DLG2: variants seen among roughly 807,000 people sequenced by gnomAD.
DLG2 encodes discs large MAGUK scaffold protein 2.
A neutral mutation model predicts 132.5 loss-of-function variants in DLG2; 45 were observed. That is an observed-to-expected ratio of 0.34 (90% CI 0.27 to 0.44). The LOEUF is 0.44. DLG2 is among the 20% of genes least tolerant of loss of function. The pLI is 1.00. For missense variants in DLG2, 1,045 were observed against 1,196.9 expected, an observed-to-expected ratio of 0.87 and a Z score of 1.87; for synonymous variants, 424 against 419.6, an observed-to-expected ratio of 1.01 and a Z score of -0.13.
At chr11:85,299,788 C>T (rs1036715679) in intron 3 of DLG2, among the ~76,000 whole-genome samples, 6 of 152,122 alleles carry the variant, frequency 3.9e-5, no homozygotes, top group African/African-American at 1.4e-4. Context: ...CTAATAAATT[C>T]CCATGCGATG....
At chr11:83,784,010 T>G (rs1229481667) in intron 18 of DLG2, among the ~76,000 whole-genome samples, 1 of 152,238 alleles carries the variant, frequency 6.6e-6, no homozygotes, top group Non-Finnish European at 1.5e-5. Context: ...GGCAGATTTT[T>G]GTGAGCATCT....
intron 3 of DLG2, among the ~76,000 whole-genome samples, chr11:85,350,836 G>A (rs2083234724): frequency 6.6e-6 from 1 of 151,986 alleles, no homozygotes; most frequent in South Asian, 2.1e-4. Context: ...TTGAAGTCAG[G>A]TAGCGTGATG....
chr11:84,906,994 G>A (rs1028733886), intron 6 of DLG2, among the ~76,000 whole-genome samples: 2 of 152,148 alleles, frequency 1.3e-5, no homozygotes, highest in African/African-American at 4.8e-5. Context: ...AGGCCAAAAG[G>A]AGTATATTCT....
rs758218312 is a variant in DLG2, at chr11:85,598,741, T to C, written c.-45A>G. On this transcript the variant is annotated 5_prime_UTR_variant, in exon 3 of 28. Coordinates refer to ENST00000376104, the MANE Select transcript of DLG2 (RefSeq NM_001142699.3). ...TTCAACAGCTGCTCCTCTGGTTTCC[T>C]TAATTTTTTGCAGTATTCTTCCAGT... 2 of 1,548,290 alleles carry C rather than the reference T, an allele frequency of 1.3e-6. No individual in the cohort carries two copies. The highest frequency in any genetic ancestry group is 2.0e-5 in the Admixed American group (1 of 49,786).
At chr11:84,410,817 T>C (rs1015749527) in intron 7 of DLG2, among the ~76,000 whole-genome samples, 1 of 152,058 alleles carries the variant, frequency 6.6e-6, no homozygotes, top group Non-Finnish European at 1.5e-5. Context: ...TGATCTCAGG[T>C]GATCCACCTG....
chr11:84,017,609 T>C (rs2095252622), intron 11 of DLG2, among the ~76,000 whole-genome samples: 1 of 152,090 alleles, frequency 6.6e-6, no homozygotes, highest in African/African-American at 2.4e-5. Context: ...ATCAATGAAA[T>C]AGCTACCATG....
chr11:84,386,577 T>C (rs1372842294), intron 7 of DLG2, among the ~76,000 whole-genome samples: 1 of 152,170 alleles, frequency 6.6e-6, no homozygotes, highest in Non-Finnish European at 1.5e-5. Context: ...CAATATTTTC[T>C]ACATTTTGTT....
intron 19 of DLG2, among the ~76,000 whole-genome samples, chr11:83,588,855 G>C (rs1263380160): frequency 1.3e-5 from 2 of 152,150 alleles, no homozygotes; most frequent in Non-Finnish European, 2.9e-5. Context: ...AGAAGCGTCA[G>C]GAGCCGATGC....
intron 18 of DLG2, among the ~76,000 whole-genome samples, chr11:83,738,034 T>C (rs536294952): frequency 1.2e-3 from 182 of 152,290 alleles, no homozygotes; most frequent in African/African-American, 4.1e-3. Context: ...AATTAAGAGA[T>C]GAGAGGATGG....
At chr11:84,845,522 T>C (rs777008137) in intron 6 of DLG2, among the ~76,000 whole-genome samples, 13 of 152,038 alleles carry the variant, frequency 8.6e-5, no homozygotes, top group Non-Finnish European at 1.8e-4. Flanking sequence ...ACTACTAACA[T>C]CCAGTGAACA....
chr11:83,965,425 A>G lies in DLG2; in HGVS notation c.1100T>C (p.Val367Ala). The G allele has an allele frequency of 6.2e-7, 1 of 1,611,578 alleles. No homozygotes were observed. The highest frequency in any genetic ancestry group is 8.5e-7 in the Non-Finnish European group (1 of 1,178,338). The change falls in exon 13 of 28, where the codon GTA becomes GCA. Residue 367 changes from valine (V) to alanine (A), a missense_variant. Around this residue, in one of 4 missense-constraint regions of DLG2, gnomAD observed 261 missense variants for 256.1 expected, o/e 1.02. Transcript: ENST00000376104. Reference sequence around the variant, plus strand: ...CTCTGATGTGTTCTTTAATATTGCTACTGCCTCTTCGTGTGTTACTTCTTC... The same window carrying G: ...CTCTGATGTGTTCTTTAATATTGCTGCTGCCTCTTCGTGTGTTACTTCTTC... The part of the protein sequence containing the change: ...SLEEVTHEEA[V>A]AILKNTSEVV...
intron 6 of DLG2, among the ~76,000 whole-genome samples, chr11:84,840,237 A>C (rs1206210496): frequency 6.6e-6 from 1 of 152,166 alleles, no homozygotes; most frequent in African/African-American, 2.4e-5. Flanking sequence ...ACACATGAAA[A>C]AATGCTCATC....
At position 84,874,578 on chromosome 11, in the gene DLG2, T is replaced by C. The variant is rs1300549645; in HGVS notation, c.357+237083A>G. 2.6e-5 allele frequency among the ~76,000 whole-genome samples: 4 copies of C among 152,286 alleles called. No individual in the cohort carries two copies. The East Asian group carries it at 7.7e-4, about 29-fold the overall frequency. The stretch of plus-strand genomic sequence containing the variant: ...TGGGGACAAATTGTGGTAAGATTTA[T>C]CTCTTAGAAATCTCACTCTAGCTTC... On this transcript the variant is annotated intron_variant, in intron 6 of 27. Transcript: ENST00000376104.
chr11:84,317,187 A>G, intron 7 of DLG2: 1 of 1,562,592 alleles, frequency 6.4e-7, no homozygotes, highest in Non-Finnish European at 8.7e-7. Flanking sequence ...AGCTCTGCAC[A>G]GAAATGTCTC....
intron 7 of DLG2, among the ~76,000 whole-genome samples, chr11:84,407,492 C>T (rs562662281): frequency 1.1e-4 from 17 of 152,098 alleles, no homozygotes; most frequent in Admixed American, 1.0e-3. Flanking sequence ...GTTCCCCTGG[C>T]CTGCTTCCCA....
intron 3 of DLG2, among the ~76,000 whole-genome samples, chr11:85,333,632 C>T (rs2081929118): frequency 6.6e-6 from 1 of 152,096 alleles, no homozygotes; most frequent in Non-Finnish European, 1.5e-5. Context: ...GGGGTTTTGA[C>T]ATGGGGAGAT....
chr11:83,962,956 G>A lies in DLG2; in HGVS notation c.1269C>T (p.Ser423=), dbSNP rs1195892077. 3 of 1,613,222 alleles carry A rather than the reference G, an allele frequency of 1.9e-6. No individual in the cohort carries two copies. Among genetic ancestry groups the A allele is most frequent in the Non-Finnish European group, 2.5e-6 (3 of 1,179,274 alleles). The change falls in exon 14 of 28, where the codon TCC becomes TCT. Residue 423 remains serine (S), a synonymous_variant. Transcript: ENST00000376104. ...GNNGTLEYKT[S]LPPISPGRYS... ...ACCTTCCTGGAGAGATGGGTGGCAG[G>A]GAGGTTTTATATTCTAAAGTGCCAT... is the stretch of plus-strand genomic sequence containing the variant.
At chr11:83,882,318 G>A (rs1234428028) in intron 15 of DLG2, among the ~76,000 whole-genome samples, 2 of 152,316 alleles carry the variant, frequency 1.3e-5, no homozygotes, top group East Asian at 3.9e-4. Flanking sequence ...AATTAAAAGT[G>A]TGGATGACTT....
At chr11:84,521,396 G>A (rs1327352698) in intron 7 of DLG2, among the ~76,000 whole-genome samples, 1 of 152,202 alleles carries the variant, frequency 6.6e-6, no homozygotes, top group African/African-American at 2.4e-5. Context: ...CCGGATTCCT[G>A]TCTCAGCTAT....
Sources: gnomAD v4.1 joint callset for allele counts (sites outside exome capture counted in the v4.1 genomes callset) on GRCh38, gnomAD v4.1.1 for gene constraint, gnomAD v4.1.1 regional missense constraint, MANE v1.5 for transcripts, NCBI Gene and HGNC (gene_info 2026-07-23, HGNC 2026-07-21) for gene names.